The following RNGTT variants were observed in gnomAD, a reference collection of about 807,000 sequenced individuals.
RNGTT encodes mRNA-capping enzyme.
A neutral mutation model predicts 79.3 loss-of-function variants in RNGTT; 33 were observed. The observed-to-expected ratio is 0.42, with a 90% confidence interval of 0.32 to 0.56. The LOEUF (loss-of-function observed/expected upper bound fraction) is 0.56. Among genes scored for constraint, RNGTT ranks in the 20% least tolerant of loss-of-function variants. RNGTT has a pLI of 0.17. For synonymous variants in RNGTT, 222 were observed against 235.9 expected, an observed-to-expected ratio of 0.94 and a Z score of 0.54; for missense variants, 497 against 739.1, an observed-to-expected ratio of 0.67 and a Z score of 3.80.
intron 13 of RNGTT, among the ~76,000 whole-genome samples, chr6:88,740,346 C>T (rs1268947974): frequency 3.3e-5 from 5 of 151,772 alleles, no homozygotes; most frequent in African/African-American, 7.3e-5. Flanking sequence ...AGTAAGACCT[C>T]GTCTCTACAA....
intron 13 of RNGTT, among the ~76,000 whole-genome samples, chr6:88,721,506 G>T (rs1776710945): frequency 6.6e-6 from 1 of 151,636 alleles, no homozygotes. Flanking sequence ...TCTGTCCTTT[G>T]CTTTATCATG....
At chr6:88,682,733 C>T (rs1775137522) in intron 13 of RNGTT, among the ~76,000 whole-genome samples, 1 of 152,132 alleles carries the variant, frequency 6.6e-6, no homozygotes, top group Non-Finnish European at 1.5e-5. Context: ...GCTACTCTTC[C>T]TGATCCTCTC....
intron 13 of RNGTT, among the ~76,000 whole-genome samples, chr6:88,733,521 T>C (rs1777184795): frequency 9.9e-5 from 15 of 150,994 alleles, no homozygotes; most frequent in Admixed American, 9.9e-4. Context: ...GCAGAATAAA[T>C]ATAAGTAATA....
chr6:88,630,990 C>T (rs780434234), intron 14 of RNGTT, among the ~76,000 whole-genome samples: 22 of 152,226 alleles, frequency 1.4e-4, no homozygotes, highest in Middle Eastern at 3.4e-3. Flanking sequence ...TACTTTATTA[C>T]AGCTTATTAT....
intron 11 of RNGTT, among the ~76,000 whole-genome samples, chr6:88,817,490 T>TAAAAAAAAAAAAG (rs1780351006): frequency 2.2e-5 from 1 of 44,564 alleles, no homozygotes; most frequent in Non-Finnish European, 3.9e-5. Context: ...AAAAAATAAG[T>TAAAAAAAAAAAAG]AAAAAAAAAA....
chr6:88,814,058 A>G (rs1257497806), intron 11 of RNGTT, among the ~76,000 whole-genome samples: 2 of 142,858 alleles, frequency 1.4e-5, no homozygotes, highest in African/African-American at 4.9e-5. Flanking sequence ...TTAGGTAGAA[A>G]AATACATAGG....
At chr6:88,753,228 T>C (rs920621326) in intron 13 of RNGTT, among the ~76,000 whole-genome samples, 4 of 152,104 alleles carry the variant, frequency 2.6e-5, no homozygotes, top group African/African-American at 9.7e-5. Context: ...CAACATAATC[T>C]AAGGCCAGGC....
chr6:88,822,334 T>A (rs368877479), intron 11 of RNGTT, among the ~76,000 whole-genome samples: 4 of 152,278 alleles, frequency 2.6e-5, no homozygotes, highest in South Asian at 4.1e-4. Context: ...AAAATATATG[T>A]CCAACACCAA....
At chr6:88,621,482 C>T (rs941478017) in intron 14 of RNGTT, among the ~76,000 whole-genome samples, 16 of 152,168 alleles carry the variant, frequency 1.1e-4, no homozygotes, top group African/African-American at 3.9e-4. Context: ...TCTCTGCCTC[C>T]CTTTCTCCTT....
At chr6:88,725,844 C>T (rs572070692) in intron 13 of RNGTT, among the ~76,000 whole-genome samples, 39 of 152,114 alleles carry the variant, frequency 2.6e-4, no homozygotes, top group African/African-American at 8.9e-4. Context: ...GGGAGAACAG[C>T]AGCATAAGCG....
intron 11 of RNGTT, among the ~76,000 whole-genome samples, chr6:88,810,785 T>A (rs1351454371): frequency 6.6e-6 from 1 of 152,128 alleles, no homozygotes; most frequent in Non-Finnish European, 1.5e-5. Flanking sequence ...CTAAGCTAAG[T>A]TTTTCATAGA....
chr6:88,903,838 C>G (rs541129732), intron 6 of RNGTT, among the ~76,000 whole-genome samples: 1 of 152,198 alleles, frequency 6.6e-6, no homozygotes. Context: ...TGGCCTATAT[C>G]ATATACTTGT....
intron 4 of RNGTT, among the ~76,000 whole-genome samples, chr6:88,925,374 T>C (rs2127951957): frequency 6.6e-6 from 1 of 152,182 alleles, no homozygotes; most frequent in South Asian, 2.1e-4. Context: ...GTAGATCACT[T>C]GAACCCAGGA....
intron 11 of RNGTT, among the ~76,000 whole-genome samples, chr6:88,805,846 C>T (rs914913639): frequency 1.9e-4 from 29 of 152,144 alleles, no homozygotes; most frequent in African/African-American, 7.0e-4. Flanking sequence ...CTACTGAAAG[C>T]TAAACGTGAA....
intron 1 of RNGTT, among the ~76,000 whole-genome samples, chr6:88,943,342 G>C (rs1784909326): frequency 6.6e-6 from 1 of 152,042 alleles, no homozygotes; most frequent in African/African-American, 2.4e-5. Flanking sequence ...AAACCTTTTA[G>C]GTTATCCTTG....
At chr6:88,812,312 C>G (rs1780164857) in intron 11 of RNGTT, among the ~76,000 whole-genome samples, 1 of 152,158 alleles carries the variant, frequency 6.6e-6, no homozygotes, top group Non-Finnish European at 1.5e-5. Flanking sequence ...AACAAAATTT[C>G]TCTAGAAAAT....
rs541669062 is a variant in RNGTT, at chr6:88,826,854, G to A, written c.1269+17503C>T. ...TATATATATATATATATGTGTGTGT[G>A]TATATATATATATATAATATACTAT... is the stretch of plus-strand genomic sequence containing the variant. On this transcript the variant is annotated intron_variant, in intron 11 of 15. Transcript: ENST00000369485. 3.8e-3 allele frequency among the ~76,000 whole-genome samples: 522 copies of A among 138,272 alleles called. 2 individuals are homozygous for A. Among genetic ancestry groups the A allele is most frequent in the Middle Eastern group, 0.011 (3 of 264 alleles). 90.7% of individuals were successfully genotyped at this position (138,272 alleles called of 152,430 possible). A position where few individuals can be genotyped will look rare whatever the true frequency, so the allele number is the denominator to read the frequency against.
At chr6:88,792,840 A>G (rs1779467994) in intron 12 of RNGTT, among the ~76,000 whole-genome samples, 1 of 152,214 alleles carries the variant, frequency 6.6e-6, no homozygotes, top group Admixed American at 6.5e-5. Flanking sequence ...ACACAATTCA[A>G]TATAATGAAA....
intron 12 of RNGTT, among the ~76,000 whole-genome samples, chr6:88,784,553 G>A (rs1014268961): frequency 2.0e-5 from 3 of 152,014 alleles, no homozygotes; most frequent in African/African-American, 7.3e-5. Context: ...ATATTCTTTA[G>A]AGACTATTTC....
Sources: allele counts gnomAD v4.1 joint callset (sites outside exome capture counted in the v4.1 genomes callset), GRCh38; gene constraint gnomAD v4.1.1; transcripts MANE v1.5; gene names NCBI Gene and HGNC (gene_info 2026-07-23, HGNC 2026-07-21).